Variants in GSE1 observed in about 807,000 individuals in gnomAD.
GSE1 encodes the protein genetic suppressor element 1.
In GSE1, 32 loss-of-function variants were observed where a neutral mutation model predicts 112.6. The observed-to-expected ratio is 0.28, with a 90% CI of 0.21 to 0.38. The LOEUF is 0.38. GSE1 is among the 10% of genes least tolerant of loss of function. The pLI is 1.00. For synonymous variants in GSE1, 1,115 were observed against 735.6 expected, an observed-to-expected ratio of 1.52 and a Z score of -8.35; for missense variants, 2,348 against 1,699.2, an observed-to-expected ratio of 1.38 and a Z score of -6.71.
At chr16:85,607,963 C>T (rs567540851), upstream of GSE1, among the ~76,000 whole-genome samples, 12 of 152,172 alleles carry the variant, frequency 7.9e-5, no homozygotes, top group Non-Finnish European at 1.5e-4. Context: ...ACCTTGGCTC[C>T]GTAAGGGGAG....
intron 1 of GSE1, among the ~76,000 whole-genome samples, chr16:85,184,684 C>A (rs1396736128): frequency 1.3e-5 from 2 of 152,180 alleles, no homozygotes; most frequent in Non-Finnish European, 2.9e-5. Context: ...AAATATTTTT[C>A]AATTTCCCTT....
At chr16:85,390,985 T>C (rs1049393457) in intron 2 of GSE1, among the ~76,000 whole-genome samples, 60 of 152,314 alleles carry the variant, frequency 3.9e-4, no homozygotes, top group Middle Eastern at 6.8e-3. Context: ...TTGCAGTGCC[T>C]TCACGGCTCC....
intron 2 of GSE1, among the ~76,000 whole-genome samples, chr16:85,421,907 C>A (rs2048853472): frequency 1.3e-5 from 2 of 152,130 alleles, no homozygotes; most frequent in Non-Finnish European, 2.9e-5. Context: ...CCGGCCTCCT[C>A]TGGCAGGCCC....
chr16:85,518,030 C>T (rs1427030024), intron 2 of GSE1, among the ~76,000 whole-genome samples: 1 of 152,254 alleles, frequency 6.6e-6, no homozygotes. Context: ...CCAAGCCGGG[C>T]ACCAGGGACA....
intron 1 of GSE1, among the ~76,000 whole-genome samples, chr16:85,176,754 C>T (rs2074474896): frequency 6.6e-6 from 1 of 152,240 alleles, no homozygotes; most frequent in African/African-American, 2.4e-5. Flanking sequence ...GTGTTGCTGC[C>T]GCAACCACCT....
intron 1 of GSE1, among the ~76,000 whole-genome samples, chr16:85,337,716 A>G (rs2046533138): frequency 1.3e-5 from 2 of 152,314 alleles, no homozygotes; most frequent in South Asian, 4.1e-4. Context: ...GGTGTGGGCC[A>G]GGGCCGGGCT....
intron 1 of GSE1, among the ~76,000 whole-genome samples, chr16:85,315,735 A>G (rs1375996920): frequency 6.6e-6 from 1 of 152,342 alleles, no homozygotes; most frequent in African/African-American, 2.4e-5. Context: ...CCCATGCAGT[A>G]TTTGGGATAT....
At chr16:85,592,082 T>C (rs1015057645) in intron 1 of GSE1, among the ~76,000 whole-genome samples, 3 of 152,050 alleles carry the variant, frequency 2.0e-5, no homozygotes, top group Non-Finnish European at 4.4e-5. Flanking sequence ...ACAGAGCTAG[T>C]GGGAAGAGCT....
At chr16:85,293,072 C>T (rs529345451) in intron 1 of GSE1, among the ~76,000 whole-genome samples, 5 of 152,194 alleles carry the variant, frequency 3.3e-5, no homozygotes, top group Non-Finnish European at 5.9e-5. Context: ...ACACCTCCCT[C>T]TCTCCGCAGT....
At chr16:85,416,375 C>T (rs1392905789) in intron 2 of GSE1, among the ~76,000 whole-genome samples, 14 of 152,248 alleles carry the variant, frequency 9.2e-5, no homozygotes, top group Non-Finnish European at 1.8e-4. Flanking sequence ...GGGGTTTCTC[C>T]GTTCAGAGCC....
intron 2 of GSE1, among the ~76,000 whole-genome samples, chr16:85,533,669 G>T (rs2044214136): frequency 6.6e-6 from 1 of 152,106 alleles, no homozygotes; most frequent in Non-Finnish European, 1.5e-5. Flanking sequence ...TTTGAGACCA[G>T]CCTGGGCAAC....
intron 1 of GSE1, among the ~76,000 whole-genome samples, chr16:85,321,738 C>G (rs868689780): frequency 6.6e-6 from 1 of 151,002 alleles, no homozygotes; most frequent in Non-Finnish European, 1.5e-5. Context: ...CGCTTGAGCC[C>G]AGGACTTTTG....
At chr16:85,646,587 G>A (rs573979458) in intron 2 of GSE1, among the ~76,000 whole-genome samples, 1 of 152,336 alleles carries the variant, frequency 6.6e-6, no homozygotes, top group Non-Finnish European at 1.5e-5. Flanking sequence ...TGCCTCTTGG[G>A]GGCGGAGATC....
At chr16:85,346,877 G>C (rs1463154215) in intron 1 of GSE1, among the ~76,000 whole-genome samples, 1 of 152,080 alleles carries the variant, frequency 6.6e-6, no homozygotes, top group Non-Finnish European at 1.5e-5. Flanking sequence ...GTAGATGGAT[G>C]GTGGATGAGC....
intron 2 of GSE1, among the ~76,000 whole-genome samples, chr16:85,455,948 C>T (rs568835068): frequency 2.1e-4 from 32 of 152,324 alleles, no homozygotes; most frequent in Middle Eastern, 3.4e-3. Flanking sequence ...CTTACAAATG[C>T]GAATAAACTC....
At chr16:85,246,895 A>G (rs1905909645) in intron 1 of GSE1, among the ~76,000 whole-genome samples, 1 of 152,114 alleles carries the variant, frequency 6.6e-6, no homozygotes, top group Admixed American at 6.5e-5. Flanking sequence ...ACCATAGCCC[A>G]GGGGAGCTTG....
intron 1 of GSE1, among the ~76,000 whole-genome samples, chr16:85,246,324 CACACACACCCCCCACACGCTGTCT>C (rs1567635993): frequency 1.5e-4 from 13 of 88,658 alleles, no homozygotes; most frequent in African/African-American, 4.5e-4. Context: ...CACACACACA[CACACACACCCCCCACACGCTGTCT>C]ACACACACAC....
At chr16:85,610,886 G>C (rs1359981129), upstream of GSE1, among the ~76,000 whole-genome samples, 1 of 152,252 alleles carries the variant, frequency 6.6e-6, no homozygotes, top group Non-Finnish European at 1.5e-5. Context: ...AGGGGAGCTA[G>C]ATGTATACGC....
At chr16:85,430,969 G>T (rs1442211351) in intron 2 of GSE1, among the ~76,000 whole-genome samples, 1 of 152,194 alleles carries the variant, frequency 6.6e-6, no homozygotes, top group African/African-American at 2.4e-5. Flanking sequence ...TTTGAGAGCC[G>T]CTGATACAGA....
Sources: allele counts gnomAD v4.1 joint callset (sites outside exome capture counted in the v4.1 genomes callset), GRCh38; gene constraint gnomAD v4.1.1; transcripts MANE v1.5; gene names NCBI Gene and HGNC (gene_info 2026-07-23, HGNC 2026-07-21).